The following ADAMTS3 variants were observed in gnomAD, a reference collection of about 807,000 sequenced individuals.
The protein encoded by ADAMTS3 is A disintegrin and metalloproteinase with thrombospondin motifs 3.
In ADAMTS3, 73 loss-of-function variants were observed where a neutral mutation model predicts 129.0. The observed-to-expected ratio is 0.57, with a 90% confidence interval of 0.47 to 0.69. ADAMTS3 has a LOEUF of 0.69. Among genes scored for constraint, ADAMTS3 ranks in the 30% least tolerant of loss-of-function variants. The probability of loss-of-function intolerance (pLI) is 0.00; values close to 1 mark genes in which losing one functional copy is unlikely to be tolerated. For synonymous variants in ADAMTS3, 477 were observed against 510.8 expected, an observed-to-expected ratio of 0.93 and a Z score of 0.89; for missense variants, 1,457 against 1,514.5, an observed-to-expected ratio of 0.96 and a Z score of 0.63.
intron 4 of ADAMTS3, among the ~76,000 whole-genome samples, chr4:72,406,579 G>A (rs1024851226): frequency 3.3e-5 from 5 of 152,072 alleles, no homozygotes; most frequent in African/African-American, 1.2e-4. Flanking sequence ...CAAACTATCT[G>A]AGTTAGTTGC....
intron 4 of ADAMTS3, among the ~76,000 whole-genome samples, chr4:72,342,527 C>A (rs1720165289): frequency 6.6e-6 from 1 of 151,968 alleles, no homozygotes; most frequent in South Asian, 2.1e-4. Context: ...CCATGCCCAG[C>A]TAATTTTTTT....
At chr4:72,464,739 G>A (rs937001513) in intron 3 of ADAMTS3, among the ~76,000 whole-genome samples, 4 of 152,038 alleles carry the variant, frequency 2.6e-5, no homozygotes, top group African/African-American at 9.7e-5. Context: ...CTAAGAATGT[G>A]CAAGAAGTGT....
intron 3 of ADAMTS3, among the ~76,000 whole-genome samples, chr4:72,436,623 T>C (rs1006325693): frequency 2.6e-5 from 4 of 151,990 alleles, no homozygotes; most frequent in African/African-American, 9.7e-5. Context: ...CCATCAATGA[T>C]AGACTGGATT....
At chr4:72,309,052 G>T (rs955217820) in intron 15 of ADAMTS3, among the ~76,000 whole-genome samples, 4 of 151,776 alleles carry the variant, frequency 2.6e-5, no homozygotes, top group Non-Finnish European at 5.9e-5. Flanking sequence ...TATGCAACAA[G>T]AATTCAAAAT....
chr4:72,363,523 T>C (rs1370661741), intron 4 of ADAMTS3, among the ~76,000 whole-genome samples: 2 of 152,208 alleles, frequency 1.3e-5, no homozygotes, highest in Non-Finnish European at 2.9e-5. Flanking sequence ...TTTTGCAATT[T>C]GGCAATGTGA....
chr4:72,422,440 T>A (rs547872488), intron 3 of ADAMTS3, among the ~76,000 whole-genome samples: 98 of 152,266 alleles, frequency 6.4e-4, no homozygotes, highest in African/African-American at 2.0e-3. Context: ...TAATTTTTTT[T>A]AAATATTTAT....
intron 3 of ADAMTS3, among the ~76,000 whole-genome samples, chr4:72,505,568 T>G (rs1085951): frequency 0.32 from 49,321 of 151,982 alleles, 8,554 homozygotes; most frequent in East Asian, 0.44. Context: ...AAGGAGACGG[T>G]AGAGGGGAAG....
At chr4:72,382,418 T>C (rs764467776) in intron 4 of ADAMTS3, among the ~76,000 whole-genome samples, 10 of 152,008 alleles carry the variant, frequency 6.6e-5, no homozygotes, top group Non-Finnish European at 1.2e-4. Context: ...CTGGAAACCA[T>C]GCAGAGAAAA....
At chr4:72,547,116 T>C (rs1305859829) in intron 3 of ADAMTS3, among the ~76,000 whole-genome samples, 1 of 152,184 alleles carries the variant, frequency 6.6e-6, no homozygotes, top group Admixed American at 6.5e-5. Context: ...GAGAAAAGTC[T>C]AAAGAAGTAG....
chr4:72,483,774 C>A (rs34587285), intron 3 of ADAMTS3, among the ~76,000 whole-genome samples: 1 of 152,002 alleles, frequency 6.6e-6, no homozygotes, highest in African/African-American at 2.4e-5. Flanking sequence ...AATCCCAGCA[C>A]TTTGGGAGGC....
chr4:72,320,773 T>G lies in ADAMTS3; in HGVS notation c.1043A>C (p.Glu348Ala). 1 of 1,614,006 alleles carries G rather than the reference T, an allele frequency of 6.2e-7. No homozygotes were observed. Among genetic ancestry groups the G allele is most frequent in the Non-Finnish European group, 8.5e-7 (1 of 1,179,916 alleles). The change falls in exon 7 of 22, where the codon GAA (glutamate) becomes GCA (alanine). Residue 348 changes from glutamate to alanine, a missense_variant. Transcript: ENST00000286657. Reference protein sequence around the residue: ...QQQRSDLNHSEHHDHAIFLTR... With the variant: ...QQQRSDLNHSAHHDHAIFLTR... ...TAAAAAAATTGCATGGTCATGGTGT[T>G]CAGAGTGGTTGAGATCAGATCTTTG...
At chr4:72,541,050 C>T (rs1399067184) in intron 3 of ADAMTS3, among the ~76,000 whole-genome samples, 1 of 152,150 alleles carries the variant, frequency 6.6e-6, no homozygotes, top group African/African-American at 2.4e-5. Flanking sequence ...CAGCTTGCAC[C>T]ACATGCCTGG....
At chr4:72,347,040 T>C (rs1720304099) in intron 4 of ADAMTS3, among the ~76,000 whole-genome samples, 1 of 152,112 alleles carries the variant, frequency 6.6e-6, no homozygotes, top group Admixed American at 6.6e-5. Flanking sequence ...AAAGAAAAGT[T>C]CTCATTATTA....
At chr4:72,364,470 C>A (rs1039404749) in intron 4 of ADAMTS3, among the ~76,000 whole-genome samples, 2 of 151,966 alleles carry the variant, frequency 1.3e-5, no homozygotes, top group Admixed American at 1.3e-4. Context: ...CAAAAATTAG[C>A]CAGGTGTGGT....
chr4:72,468,894 A>G (rs1718990938), intron 3 of ADAMTS3, among the ~76,000 whole-genome samples: 1 of 152,092 alleles, frequency 6.6e-6, no homozygotes. Flanking sequence ...TTTATTTTTC[A>G]TATTTTGTGG....
chr4:72,450,663 CTG>C (rs1414137367), intron 3 of ADAMTS3, among the ~76,000 whole-genome samples: 1 of 151,650 alleles, frequency 6.6e-6, no homozygotes, highest in Non-Finnish European at 1.5e-5. Context: ...AAACTAAAAT[CTG>C]TGGCAAATGT....
rs369838945 is a variant in ADAMTS3, at chr4:72,455,843, C to CTA, written c.505-40874_505-40873dup. 0.02 allele frequency among the ~76,000 whole-genome samples: 1,328 copies of CTA among 65,670 alleles called. 87 individuals carry two copies. In the East Asian group the frequency reaches 0.23, roughly 11 times the overall value. 43.1% of individuals were successfully genotyped at this position (65,670 alleles called of 152,430 possible). ...ACATATAGTATATACAGTGTATATA[C>CTA]TATATATTTTATATATAGTATATAC... On this transcript the variant is annotated intron_variant, in intron 3 of 21. Transcript: ENST00000286657.
intron 3 of ADAMTS3, among the ~76,000 whole-genome samples, chr4:72,478,394 A>C: frequency 6.7e-6 from 1 of 149,558 alleles, no homozygotes; most frequent in African/African-American, 2.5e-5. Context: ...CAATATATGC[A>C]AATCAATAAA....
intron 3 of ADAMTS3, among the ~76,000 whole-genome samples, chr4:72,480,851 T>C (rs756208451): frequency 6.6e-6 from 1 of 150,438 alleles, no homozygotes; most frequent in South Asian, 2.1e-4. Context: ...AAACAATAAG[T>C]GAATTTAGCA....
Sources: gnomAD v4.1 joint callset for allele counts (sites outside exome capture counted in the v4.1 genomes callset) on GRCh38, gnomAD v4.1.1 for gene constraint, MANE v1.5 for transcripts, NCBI Gene and HGNC (gene_info 2026-07-23, HGNC 2026-07-21) for gene names.